Variants in CA5A observed in about 807,000 individuals in gnomAD.
CA5A encodes carbonic anhydrase 5A, mitochondrial.
In CA5A, 28 loss-of-function variants were observed where a neutral mutation model predicts 37.1. The ratio of observed to expected loss-of-function variants is 0.75; its 90% CI spans 0.56 to 1.03. CA5A has a LOEUF of 1.03. CA5A is among the 50% of genes least tolerant of loss of function. The probability of loss-of-function intolerance (pLI) is 0.00; values close to 1 mark genes in which losing one functional copy is unlikely to be tolerated. For missense variants in CA5A, 444 were observed against 399.9 expected, an observed-to-expected ratio of 1.11 and a Z score of -0.94; for synonymous variants, 171 against 158.4, an observed-to-expected ratio of 1.08 and a Z score of -0.60.
chr16:87,910,436 A>T lies in CA5A; in HGVS notation c.341-5532T>A, dbSNP rs148472368. Reference sequence around the variant, plus strand: ...GCAGAGAGGTTCGGTCACCTGCCCCAGTTTAGCCGGCAACCTCACCCAGGT... The same window carrying T: ...GCAGAGAGGTTCGGTCACCTGCCCCTGTTTAGCCGGCAACCTCACCCAGGT... On this transcript the variant is annotated intron_variant, in intron 2 of 6. Transcript: ENST00000649794. Among the ~76,000 whole-genome samples the T allele has an allele frequency of 2.4e-4, 36 of 152,288 alleles. No homozygotes were observed. The East Asian group carries it at 6.6e-3, about 28-fold the overall frequency.
At chr16:87,901,453 C>A (rs1444142390) in intron 5 of CA5A, among the ~76,000 whole-genome samples, 2 of 152,218 alleles carry the variant, frequency 1.3e-5, no homozygotes, top group Non-Finnish European at 2.9e-5. Flanking sequence ...ATCAACCCTG[C>A]GGAATCCCAT....
rs766158176 is a variant in CA5A, at chr16:87,902,495, A to G, written c.485T>C (p.Val162Ala). 5.6e-6 allele frequency: 9 copies of G among 1,604,352 alleles called. No individual in the cohort carries two copies. Among genetic ancestry groups the G allele is most frequent in the Non-Finnish European group, 7.7e-6 (9 of 1,171,154 alleles). The change falls in exon 4 of 7, where the codon GTG (valine) becomes GCG (alanine). Residue 162 changes from valine to alanine, a missense_variant. By Grantham distance (64) the Val-to-Ala change is moderately conservative. Coordinates refer to ENST00000649794, the MANE Select transcript of CA5A (RefSeq NM_001739.2). ...AELHLVHWNSVKYQNYKEAVV... is the reference protein window; with the variant it reads ...AELHLVHWNSAKYQNYKEAVV... The stretch of plus-strand genomic sequence containing the variant: ...AGCTTCCTTGTAATTTTGGTATTTC[A>G]CAGAATTCCAGTGAACTAAATGCAG...
rs771416418 is a variant in CA5A at position 87,888,174 on chromosome 16, C to A, written c.873G>T (p.Lys291Asn). 6.2e-7 allele frequency: 1 copy of A among 1,613,938 alleles called. No homozygotes were observed. The highest frequency in any genetic ancestry group is 1.7e-5 in the Admixed American group (1 of 60,010). ...YRPLQPLMNR[K>N]VWASFQATNE... ...TAGTGGCCTGGAAGGACGCCCAGAC[C>A]TTCCGGTTCATCAAGGGTTGAAGTG... The change falls in exon 7 of 7, where the codon AAG becomes AAT. Residue 291 changes from lysine to asparagine, a missense_variant. By Grantham distance (94) the Lys-to-Asn change is moderately conservative (BLOSUM62 0). Coordinates refer to ENST00000649794, the MANE Select transcript of CA5A (RefSeq NM_001739.2).
At chr16:87,920,014 A>G (rs1227792241) in intron 2 of CA5A, among the ~76,000 whole-genome samples, 1 of 152,080 alleles carries the variant, frequency 6.6e-6, no homozygotes, top group East Asian at 1.9e-4. Flanking sequence ...AGCATTCCCC[A>G]TCCATGGACT....
rs560774897 is a variant in CA5A, at chr16:87,914,281, T to C, written c.341-9377A>G. On this transcript the variant is annotated intron_variant, in intron 2 of 6. Coordinates refer to ENST00000649794, the MANE Select transcript of CA5A (RefSeq NM_001739.2). Reference sequence around the variant, plus strand: ...AGGCATTACCGCCTGATGGGGTTGCTGGCTGGTCCTGAGCTCATCACCGTC... The same window carrying C: ...AGGCATTACCGCCTGATGGGGTTGCCGGCTGGTCCTGAGCTCATCACCGTC... Among the ~76,000 whole-genome samples the C allele has an allele frequency of 1.2e-4, 18 of 152,364 alleles. No individual in the cohort carries two copies. In the South Asian group the frequency reaches 3.3e-3, roughly 28 times the overall value.
intron 2 of CA5A, among the ~76,000 whole-genome samples, chr16:87,915,176 T>G (rs1377701182): frequency 1.3e-5 from 2 of 152,214 alleles, no homozygotes; most frequent in Non-Finnish European, 2.9e-5. Flanking sequence ...TCACTGGGGA[T>G]CCAGAGGTCA....
At chr16:87,892,055 T>G in intron 5 of CA5A, 101 bp from the exon 6 acceptor site, 1 of 1,150,902 alleles carries the variant, frequency 8.7e-7, no homozygotes, top group Non-Finnish European at 1.2e-6. Flanking sequence ...TGGAAGGAAG[T>G]GCTTTCCCCC....
Position 87,925,056 on chromosome 16 carries a change from G to T in CA5A, c.340+1692C>A, listed in dbSNP as rs140347050. 3.4e-3 allele frequency among the ~76,000 whole-genome samples: 514 copies of T among 152,314 alleles called. 7 individuals carry two copies. Among genetic ancestry groups the T allele is most frequent in the African/African-American group, 0.012 (490 of 41,576 alleles). ...CGCATAAAATATCAAATAAGACAAAGACCTGCCCCAGCGGAGTTACATCCT... is the reference window on the plus strand; with the variant it reads ...CGCATAAAATATCAAATAAGACAAATACCTGCCCCAGCGGAGTTACATCCT... On this transcript the variant is annotated intron_variant, in intron 2 of 6. Transcript: ENST00000649794.
intron 5 of CA5A, among the ~76,000 whole-genome samples, chr16:87,894,615 A>G (rs1489102583): frequency 6.6e-6 from 1 of 151,966 alleles, no homozygotes. Flanking sequence ...ACAGTGGCTC[A>G]TGCCTGTAAT....
At chr16:87,935,273 G>A (rs1460794365) in intron 1 of CA5A, among the ~76,000 whole-genome samples, 1 of 152,246 alleles carries the variant, frequency 6.6e-6, no homozygotes, top group Non-Finnish European at 1.5e-5. Context: ...GACCCAGAAA[G>A]AGGAAGGGCC....
chr16:87,920,795 T>A (rs2056219812), intron 2 of CA5A, among the ~76,000 whole-genome samples: 3 of 151,788 alleles, frequency 2.0e-5, no homozygotes, highest in African/African-American at 7.3e-5. Flanking sequence ...ATTTTTGTAT[T>A]TTTACTTTTT....
chr16:87,900,434 C>A (rs1025418395), intron 5 of CA5A, among the ~76,000 whole-genome samples: 1 of 152,204 alleles, frequency 6.6e-6, no homozygotes, highest in Non-Finnish European at 1.5e-5. Flanking sequence ...CTCCTTGAAC[C>A]GCGAGGAAGG....
intron 5 of CA5A, 67 bp from the exon 6 acceptor site, chr16:87,892,021 A>C: frequency 2.0e-5 from 28 of 1,391,504 alleles, no homozygotes; most frequent in Non-Finnish European, 2.6e-5. Flanking sequence ...ATCTTGTCTC[A>C]GCACGTGAGG....
intron 5 of CA5A, among the ~76,000 whole-genome samples, chr16:87,896,789 C>A (rs553732864): frequency 3.9e-5 from 6 of 152,178 alleles, no homozygotes; most frequent in Non-Finnish European, 7.3e-5. Context: ...TACACGCATG[C>A]GCCATCACGC....
chr16:87,906,581 C>G (rs1163454987), intron 2 of CA5A, among the ~76,000 whole-genome samples: 1 of 151,810 alleles, frequency 6.6e-6, no homozygotes, highest in African/African-American at 2.4e-5. Flanking sequence ...GAGCTGAGAA[C>G]GTGCCACTGT....
chr16:87,891,427 C>T (rs2055711490), intron 6 of CA5A, among the ~76,000 whole-genome samples: 1 of 150,812 alleles, frequency 6.6e-6, no homozygotes, highest in Non-Finnish European at 1.5e-5. Context: ...GAGATCGCAC[C>T]ACTGCACTCC....
chr16:87,917,596 ATGCACACACCACACATG>A (rs2056165657), intron 2 of CA5A, among the ~76,000 whole-genome samples: 5 of 152,304 alleles, frequency 3.3e-5, no homozygotes, highest in South Asian at 2.1e-4. Context: ...GTGTGCACAC[ATGCACACACCACACATG>A]TGCACACACA....
chr16:87,929,689 C>G (rs373883211), intron 1 of CA5A, among the ~76,000 whole-genome samples: 2,001 of 150,930 alleles, frequency 0.013, 17 homozygotes, highest in African/African-American at 0.021. Context: ...TGGCTAACAC[C>G]GTGAAACCCG....
intron 2 of CA5A, among the ~76,000 whole-genome samples, chr16:87,905,548 G>A (rs1049123070): frequency 6.6e-6 from 1 of 152,096 alleles, no homozygotes; most frequent in African/African-American, 2.4e-5. Flanking sequence ...AAGTAGAGAC[G>A]GGGTTTCACC....
Sources: allele counts gnomAD v4.1 joint callset (sites outside exome capture counted in the v4.1 genomes callset), GRCh38; gene constraint gnomAD v4.1.1; transcripts MANE v1.5; gene names NCBI Gene and HGNC (gene_info 2026-07-23, HGNC 2026-07-21).